SMAP1: variants seen among roughly 807,000 people sequenced by gnomAD.
SMAP1 encodes the protein stromal membrane-associated protein 1.
A neutral mutation model predicts 58.5 loss-of-function variants in SMAP1; 24 were observed. That is an observed-to-expected ratio of 0.41 (90% CI 0.30 to 0.58). The LOEUF is 0.58. Ranked by LOEUF, SMAP1 falls within the 20% of genes least tolerant of loss-of-function variation. The probability of loss-of-function intolerance (pLI) is 0.29; values close to 1 mark genes in which losing one functional copy is unlikely to be tolerated. For synonymous variants in SMAP1, 216 were observed against 196.6 expected, an observed-to-expected ratio of 1.10 and a Z score of -0.82; for missense variants, 563 against 566.3, an observed-to-expected ratio of 0.99 and a Z score of 0.06.
chr6:70,738,819 A>G (rs529373022), intron 2 of SMAP1, among the ~76,000 whole-genome samples: 1 of 152,288 alleles, frequency 6.6e-6, no homozygotes, highest in East Asian at 1.9e-4. Context: ...GTTAGTGGTC[A>G]TGTTGTCCCA....
chr6:70,817,946 G>A (rs1482857688), intron 6 of SMAP1, among the ~76,000 whole-genome samples: 1 of 152,150 alleles, frequency 6.6e-6, no homozygotes, highest in Non-Finnish European at 1.5e-5. Flanking sequence ...ATGAAAAAGT[G>A]TATCTCCAGA....
chr6:70,801,344 T>G (rs1768843901), intron 6 of SMAP1, among the ~76,000 whole-genome samples: 1 of 152,220 alleles, frequency 6.6e-6, no homozygotes, highest in Non-Finnish European at 1.5e-5. Flanking sequence ...TTCATATCCT[T>G]TGCCCACTTT....
At chr6:70,691,033 G>T (rs947984279) in intron 1 of SMAP1, among the ~76,000 whole-genome samples, 1 of 152,002 alleles carries the variant, frequency 6.6e-6, no homozygotes, top group Non-Finnish European at 1.5e-5. Flanking sequence ...GGCCATTCAG[G>T]TTATCTTTTC....
chr6:70,764,505 A>G (rs564268305), intron 3 of SMAP1, among the ~76,000 whole-genome samples: 3 of 152,282 alleles, frequency 2.0e-5, no homozygotes. Context: ...ACTATTTTGA[A>G]AATCCTACGG....
At position 70,769,653 on chromosome 6, in the gene SMAP1, T is replaced by C. The variant is rs776286674; in HGVS notation, c.339-3697T>C. 8.0e-3 allele frequency among the ~76,000 whole-genome samples: 1,221 copies of C among 152,282 alleles called. 9 individuals carry two copies. Among genetic ancestry groups the C allele is most frequent in the Middle Eastern group, 0.034 (10 of 294 alleles). ...TATTGAGCCTATGTGTGTCTCTGCATGTGAGATGGGTTTCCTGAATACAGC... is the reference window on the plus strand; with the variant it reads ...TATTGAGCCTATGTGTGTCTCTGCACGTGAGATGGGTTTCCTGAATACAGC... On this transcript the variant is annotated intron_variant, in intron 3 of 10. Transcript: ENST00000370455.
intron 1 of SMAP1, among the ~76,000 whole-genome samples, chr6:70,676,433 G>A (rs1237748036): frequency 1.3e-5 from 2 of 152,182 alleles, no homozygotes; most frequent in African/African-American, 4.8e-5. Context: ...ATAACCTGGG[G>A]AAATTGTGAT....
At chr6:70,696,168 G>A (rs142102310) in intron 1 of SMAP1, among the ~76,000 whole-genome samples, 26 of 150,616 alleles carry the variant, frequency 1.7e-4, no homozygotes, top group African/African-American at 2.9e-4. Context: ...TTCTTTCTTC[G>A]TCTGGCTTAT....
chr6:70,793,644 T>TAGAG (rs70990334), intron 5 of SMAP1, among the ~76,000 whole-genome samples: 5,489 of 140,342 alleles, frequency 0.039, 211 homozygotes, highest in African/African-American at 0.095. Context: ...GGAGAGTAGT[T>TAGAG]AGAGAGAGAG....
chr6:70,787,312 A>G (rs922329455), intron 4 of SMAP1, among the ~76,000 whole-genome samples: 6 of 152,242 alleles, frequency 3.9e-5, no homozygotes, highest in African/African-American at 1.4e-4. Context: ...GATGGATTAA[A>G]GACTTACATG....
At chr6:70,737,921 T>C (rs1447662661) in intron 2 of SMAP1, among the ~76,000 whole-genome samples, 1 of 152,172 alleles carries the variant, frequency 6.6e-6, no homozygotes, top group Non-Finnish European at 1.5e-5. Flanking sequence ...ACAGCAGCCT[T>C]AGGGAGGGTA....
intron 7 of SMAP1, among the ~76,000 whole-genome samples, chr6:70,851,177 AT>A (rs1203454735): frequency 6.6e-6 from 1 of 152,160 alleles, no homozygotes; most frequent in Non-Finnish European, 1.5e-5. Flanking sequence ...GATTAACCTA[AT>A]TTGGGCTTTA....
At chr6:70,795,965 G>T (rs1259527135) in intron 5 of SMAP1, among the ~76,000 whole-genome samples, 1 of 151,926 alleles carries the variant, frequency 6.6e-6, no homozygotes, top group Non-Finnish European at 1.5e-5. Flanking sequence ...CTCGAACTTC[G>T]TGATAGGCCT....
intron 4 of SMAP1, among the ~76,000 whole-genome samples, chr6:70,778,590 A>G (rs779651919): frequency 2.6e-4 from 39 of 152,178 alleles, no homozygotes; most frequent in African/African-American, 5.8e-4. Context: ...GGCATGTGCA[A>G]TGGATGTCAT....
In SMAP1 at chr6:70,755,033, TC is replaced by T; in HGVS notation, c.308del (p.Pro103GlnfsTer32). The T allele has an allele frequency of 6.2e-7, 1 of 1,610,804 alleles. No homozygotes were observed. Among genetic ancestry groups the T allele is most frequent in the East Asian group, 2.2e-5 (1 of 44,712 alleles). ...KARLLYEANLPENFRRPQTDQ... is the reference protein window; with the variant it reads ...KARLLYEANLXENFRRPQTDQ... ...CAAGACTACTCTATGAAGCCAATCT[TC>T]CAGAGAACTTTCGAAGACCACAGAC... On this transcript the variant is annotated frameshift_variant, in exon 3 of 11. Transcript: ENST00000370455. LOFTEE classifies it high-confidence loss of function.
At chr6:70,691,886 A>G (rs1044500568) in intron 1 of SMAP1, among the ~76,000 whole-genome samples, 5 of 152,142 alleles carry the variant, frequency 3.3e-5, no homozygotes, top group Admixed American at 6.5e-5. Flanking sequence ...GTAGCTTCCA[A>G]ATGTTGGCTA....
At chr6:70,749,313 C>A (rs1766178667) in intron 2 of SMAP1, among the ~76,000 whole-genome samples, 1 of 152,202 alleles carries the variant, frequency 6.6e-6, no homozygotes, top group Non-Finnish European at 1.5e-5. Flanking sequence ...CCCTTCCCAA[C>A]ACCTGACGTG....
intron 4 of SMAP1, among the ~76,000 whole-genome samples, chr6:70,785,989 G>A (rs191246884): frequency 2.6e-5 from 4 of 152,210 alleles, no homozygotes; most frequent in Admixed American, 1.3e-4. Context: ...GCCTGACAGA[G>A]ACACAACCAA....
intron 2 of SMAP1, among the ~76,000 whole-genome samples, chr6:70,743,249 TAGTGG>T (rs1765888610): frequency 6.6e-6 from 1 of 152,192 alleles, no homozygotes. Context: ...GTGGTCATTG[TAGTGG>T]TTTGTTTCTA....
At chr6:70,839,620 A>G (rs566462244) in intron 7 of SMAP1, among the ~76,000 whole-genome samples, 16 of 152,148 alleles carry the variant, frequency 1.1e-4, no homozygotes, top group Non-Finnish European at 1.8e-4. Context: ...GGATTTTGCA[A>G]TGACTCACAG....
Sources: gnomAD v4.1 joint callset for allele counts (sites outside exome capture counted in the v4.1 genomes callset) on GRCh38, gnomAD v4.1.1 for gene constraint, MANE v1.5 for transcripts, NCBI Gene and HGNC (gene_info 2026-07-23, HGNC 2026-07-21) for gene names.